PDZD9: variants seen among roughly 807,000 people sequenced by gnomAD.
PDZD9 encodes the protein PDZ domain containing 9, also known as PDZ domain-containing protein 9.
A neutral mutation model predicts 16.3 loss-of-function variants in PDZD9; 13 were observed. That is an observed-to-expected ratio of 0.80 (90% confidence interval 0.52 to 1.27). The LOEUF (loss-of-function observed/expected upper bound fraction) is 1.27, where lower values mean the gene tolerates loss of function less well. Among genes scored for constraint, PDZD9 ranks in the 50% most tolerant of loss-of-function variants. The probability of loss-of-function intolerance (pLI) is 0.00; values close to 1 mark genes in which losing one functional copy is unlikely to be tolerated. For missense variants in PDZD9, 288 were observed against 310.9 expected (o/e 0.93, Z 0.55); for synonymous variants, 120 against 111.0 (o/e 1.08, Z -0.51).
the PDZD9 span, chr16:21,971,962 C>T: frequency 6.2e-7 from 1 of 1,614,162 alleles, no homozygotes; most frequent in South Asian, 1.1e-5. Flanking sequence ...CTTGTCCATG[C>T]TGCTTTTGTA....
chr16:21,987,545 A>G (rs1898908594), intron 3 of PDZD9, among the ~76,000 whole-genome samples: 1 of 152,202 alleles, frequency 6.6e-6, no homozygotes, highest in Non-Finnish European at 1.5e-5. Flanking sequence ...GGAAATGGCC[A>G]GAGGTAACAG....
chr16:21,996,800 C>T (rs1899162963), intron 1 of PDZD9, among the ~76,000 whole-genome samples: 1 of 152,022 alleles, frequency 6.6e-6, no homozygotes. Flanking sequence ...CTGGGTTTAC[C>T]ATGGTGAGCA....
intron 2 of PDZD9, among the ~76,000 whole-genome samples, chr16:21,989,075 T>G (rs1369769464): frequency 6.6e-6 from 1 of 151,864 alleles, no homozygotes; most frequent in African/African-American, 2.4e-5. Flanking sequence ...ATTATGGGCA[T>G]GTGCCATCAA....
the PDZD9 span, among the ~76,000 whole-genome samples, chr16:21,966,026 A>G: frequency 1.3e-5 from 2 of 151,932 alleles, no homozygotes; most frequent in African/African-American, 4.8e-5. Flanking sequence ...TAAGTATCAT[A>G]ATAGGGGCTG....
chr16:21,967,556 AAACCAGTGAT>A, the PDZD9 span, among the ~76,000 whole-genome samples: 1 of 152,182 alleles, frequency 6.6e-6, no homozygotes, highest in Non-Finnish European at 1.5e-5. Flanking sequence ...GTGGTAATAT[AAACCAGTGAT>A]AACCAAGTCT....
At chr16:21,962,458 A>G in the PDZD9 span, 19 of 1,614,046 alleles carry the variant, frequency 1.2e-5, no homozygotes, top group Non-Finnish European at 1.6e-5. Context: ...TTTCCGATTC[A>G]GTGTGACCGC....
Position 21,996,621 on chromosome 16 carries a change from T to C in PDZD9, c.32-120A>G, listed in dbSNP as rs192893438. On this transcript the variant is annotated intron_variant, in intron 1 of 3. Transcript: ENST00000424898. ...ATTTAATCCCTGTTCCTCAGATTCCTTGTCAGTAAAATGAGGATAAAAATG... is the reference window on the plus strand; with the variant it reads ...ATTTAATCCCTGTTCCTCAGATTCCCTGTCAGTAAAATGAGGATAAAAATG... 867 of 991,460 alleles carry C rather than the reference T, an allele frequency of 8.7e-4. 2 individuals carry two copies. Among genetic ancestry groups the C allele is most frequent in the Non-Finnish European group, 1.1e-3 (768 of 697,928 alleles). The allele number at this position is 991,460 out of a possible 1,614,324, so 61.4% of individuals were successfully genotyped here. A position where few individuals can be genotyped will look rare whatever the true frequency, so the allele number is the denominator to read the frequency against.
At chr16:21,966,159 A>T in the PDZD9 span, among the ~76,000 whole-genome samples, 3 of 135,154 alleles carry the variant, frequency 2.2e-5, no homozygotes, top group South Asian at 2.2e-4. Flanking sequence ...ACAAAAAAAA[A>T]ATATATATAT....
At chr16:21,991,995 G>A (rs1003604863) in intron 2 of PDZD9, among the ~76,000 whole-genome samples, 3 of 152,130 alleles carry the variant, frequency 2.0e-5, no homozygotes, top group Non-Finnish European at 4.4e-5. Context: ...TAACTAAGAT[G>A]AACAAGTTAT....
At chr16:21,972,198 T>C in the PDZD9 span, 1 of 1,487,756 alleles carries the variant, frequency 6.7e-7, no homozygotes, top group South Asian at 1.2e-5. Flanking sequence ...GATAATCTAC[T>C]CTTAAAATGT....
chr16:21,958,884 CAT>C, the PDZD9 span, among the ~76,000 whole-genome samples: 9 of 152,176 alleles, frequency 5.9e-5, no homozygotes, highest in African/African-American at 2.2e-4. Flanking sequence ...CAAAGCAAGT[CAT>C]AGGAATTTTG....
chr16:21,991,716 G>C (rs954797783), intron 2 of PDZD9, among the ~76,000 whole-genome samples: 6 of 152,280 alleles, frequency 3.9e-5, no homozygotes, highest in East Asian at 1.9e-4. Flanking sequence ...ATGGGGCTGG[G>C]AGGAAACGGG....
At chr16:21,985,693 T>C (rs1293055224) in intron 3 of PDZD9, among the ~76,000 whole-genome samples, 1 of 152,226 alleles carries the variant, frequency 6.6e-6, no homozygotes, top group Non-Finnish European at 1.5e-5. Flanking sequence ...TCTGCCCTGC[T>C]AAAAGGAAAT....
chr16:21,972,135 A>T, the PDZD9 span: 242 of 1,608,756 alleles, frequency 1.5e-4, no homozygotes, highest in African/African-American at 3.1e-3. Context: ...GAGTCTGAAC[A>T]GTTGGTATCT....
At chr16:21,974,529 G>A in the PDZD9 span, among the ~76,000 whole-genome samples, 7 of 152,328 alleles carry the variant, frequency 4.6e-5, no homozygotes, top group South Asian at 1.4e-3. Context: ...AAGTCTGGTA[G>A]TTTCAGCAAG....
intron 2 of PDZD9, among the ~76,000 whole-genome samples, chr16:21,993,665 A>T (rs139034653): frequency 2.6e-5 from 4 of 152,310 alleles, no homozygotes; most frequent in African/African-American, 9.6e-5. Context: ...GGGACCAGGC[A>T]TCTTGGTTTT....
Position 21,988,610 on chromosome 16 carries a change from T to C in PDZD9, c.393A>G (p.Pro131=). Residue 131 remains proline, a synonymous_variant, in exon 3 of 4, where the codon CCA becomes CCG. Coordinates refer to ENST00000424898, the MANE Select transcript of PDZD9 (RefSeq NM_001363519.1). ...IYDLIPEAKF[P]VTSTPKKIEL... is the part of the protein sequence containing the mutation. ...TAAAATGAACTATTTACCTTGTTAC[T>C]GGGAATTTGGCCTCAGGGATTAAAT... 2 of 1,608,796 alleles carry C rather than the reference T, an allele frequency of 1.2e-6. No homozygotes were observed. The highest frequency in any genetic ancestry group is 1.7e-6 in the Non-Finnish European group (2 of 1,176,934).
At chr16:21,998,105 C>G (rs1899195481) in intron 1 of PDZD9, among the ~76,000 whole-genome samples, 1 of 152,192 alleles carries the variant, frequency 6.6e-6, no homozygotes, top group Admixed American at 6.5e-5. Context: ...TTTCAGGGTT[C>G]TGGGAGCAAC....
intron 1 of PDZD9, among the ~76,000 whole-genome samples, 153 bp downstream of exon 1, chr16:22,000,863 TG>T (rs1899280674): frequency 6.6e-6 from 1 of 151,388 alleles, no homozygotes; most frequent in African/African-American, 2.4e-5. Context: ...ATGATGATGA[TG>T]ATGATGATGA....
Sources: allele counts gnomAD v4.1 joint callset (sites outside exome capture counted in the v4.1 genomes callset), GRCh38; gene constraint gnomAD v4.1.1; transcripts MANE v1.5; gene names NCBI Gene and HGNC (gene_info 2026-07-23, HGNC 2026-07-21).